CNTN1: variants seen among roughly 807,000 people sequenced by gnomAD.
The protein encoded by CNTN1 is contactin-1.
A neutral mutation model predicts 126.4 loss-of-function variants in CNTN1; 38 were observed. The ratio of observed to expected loss-of-function variants is 0.30; its 90% confidence interval spans 0.23 to 0.39. The LOEUF (loss-of-function observed/expected upper bound fraction) is 0.39, where lower values mean the gene tolerates loss of function less well. Ranked by LOEUF, CNTN1 falls within the 10% of genes least tolerant of loss-of-function variation. CNTN1 has a pLI of 1.00. For missense variants in CNTN1, 1,009 were observed against 1,248.4 expected (o/e 0.81, Z 2.89); for synonymous variants, 413 against 422.6 (o/e 0.98, Z 0.28).
At chr12:40,979,226 A>T (rs1947760093) in intron 15 of CNTN1, 1 of 152,172 alleles carries the variant, frequency 6.6e-6, no homozygotes, top group Non-Finnish European at 1.5e-5. Context: ...TTTCCAAATA[A>T]TAAAATTTAC....
At chr12:40,977,764 CTGTTTTGTTTTGTTTTGTTTTGTTT>C (rs56822606) in intron 15 of CNTN1, among the ~76,000 whole-genome samples, 1 of 69,056 alleles carries the variant, frequency 1.4e-5, no homozygotes. Context: ...TAACAATCAT[CTGTTTTGTTTTGTTTTGTTTTGTTT>C]TGTTTTGTTT....
chr12:41,000,460 C>A (rs940693885), intron 17 of CNTN1, among the ~76,000 whole-genome samples: 1 of 151,992 alleles, frequency 6.6e-6, no homozygotes, highest in Admixed American at 6.6e-5. Context: ...TTTAATACTC[C>A]AGCTCTTAAT....
chr12:40,766,597 A>T (rs1252342143), intron 1 of CNTN1, among the ~76,000 whole-genome samples: 15 of 152,100 alleles, frequency 9.9e-5, no homozygotes, highest in Admixed American at 9.8e-4. Context: ...CCTTGGGTGG[A>T]TTCTCTTGAT....
intron 16 of CNTN1, among the ~76,000 whole-genome samples, chr12:40,987,410 G>A (rs1019954579): frequency 5.3e-5 from 8 of 152,190 alleles, no homozygotes; most frequent in South Asian, 2.1e-4. Flanking sequence ...GCTTGATGCT[G>A]TTCCTGGAGT....
At chr12:41,028,442 G>A (rs1949079380) in intron 22 of CNTN1, among the ~76,000 whole-genome samples, 1 of 152,124 alleles carries the variant, frequency 6.6e-6, no homozygotes, top group Admixed American at 6.6e-5. Context: ...TCAGCAAAAT[G>A]TTATGTCAAA....
chr12:40,730,023 A>G (rs576026720), intron 1 of CNTN1: 1 of 152,342 alleles, frequency 6.6e-6, no homozygotes, highest in South Asian at 2.1e-4. Context: ...GTAAGAAAGG[A>G]CTATAGCAAT....
At chr12:40,836,201 ATAAT>A (rs905697956) in intron 1 of CNTN1, among the ~76,000 whole-genome samples, 3 of 148,174 alleles carry the variant, frequency 2.0e-5, no homozygotes, top group African/African-American at 7.4e-5. Context: ...ATATGTATAA[ATAAT>A]ATATATGTAT....
At chr12:40,841,396 A>T (rs1044316062) in intron 1 of CNTN1, among the ~76,000 whole-genome samples, 6 of 152,068 alleles carry the variant, frequency 3.9e-5, no homozygotes. Flanking sequence ...CATTCCAACA[A>T]ATTGAAGATG....
chr12:40,821,317 G>C (rs902951205), intron 1 of CNTN1, among the ~76,000 whole-genome samples: 1 of 152,182 alleles, frequency 6.6e-6, no homozygotes, highest in Non-Finnish European at 1.5e-5. Flanking sequence ...TTGTTGCTGA[G>C]ATTTCTTGAT....
At chr12:40,768,074 C>G (rs1313681441) in intron 1 of CNTN1, among the ~76,000 whole-genome samples, 2 of 152,130 alleles carry the variant, frequency 1.3e-5, no homozygotes, top group African/African-American at 4.8e-5. Context: ...CTTCACAGTA[C>G]AAATGGAGAT....
At chr12:41,043,641 A>G (rs1949473207) in intron 23 of CNTN1, among the ~76,000 whole-genome samples, 1 of 152,114 alleles carries the variant, frequency 6.6e-6, no homozygotes, top group African/African-American at 2.4e-5. Flanking sequence ...CAGCCATCCC[A>G]TTACTGGGTA....
At chr12:40,722,955 G>C (rs576063486) in intron 1 of CNTN1, among the ~76,000 whole-genome samples, 1 of 152,148 alleles carries the variant, frequency 6.6e-6, no homozygotes, top group Non-Finnish European at 1.5e-5. Context: ...TCAGTTTAGA[G>C]CAAAGAACTA....
chr12:40,709,800 A>G (rs1046769610), intron 1 of CNTN1, among the ~76,000 whole-genome samples: 2 of 152,100 alleles, frequency 1.3e-5, no homozygotes, highest in Non-Finnish European at 1.5e-5. Flanking sequence ...AATGGAAGAG[A>G]GTCAGGGCCT....
intron 1 of CNTN1, among the ~76,000 whole-genome samples, chr12:40,755,033 A>G (rs1410712473): frequency 6.6e-6 from 1 of 151,838 alleles, no homozygotes; most frequent in African/African-American, 2.4e-5. Context: ...TCTACAAAAC[A>G]TAAAAAAGTT....
At chr12:41,042,665 G>C (rs1207764869) in intron 23 of CNTN1, among the ~76,000 whole-genome samples, 4 of 152,016 alleles carry the variant, frequency 2.6e-5, no homozygotes, top group Non-Finnish European at 4.4e-5. Context: ...AGTTCATATG[G>C]AACCAAAAAA....
Position 41,069,968 on chromosome 12 carries a change from C to A in CNTN1, c.2990C>A (p.Thr997Asn), listed in dbSNP as rs751735006. ...TTGGTTTACCTTGCAGGTGCACCCACCCTATCCCCAAGTCTTCTCGGCTTA... is the reference window on the plus strand; with the variant it reads ...TTGGTTTACCTTGCAGGTGCACCCAACCTATCCCCAAGTCTTCTCGGCTTA... Reference protein sequence around the residue: ...VSQVKISGAPTLSPSLLGLLL... With the variant: ...VSQVKISGAPNLSPSLLGLLL... Residue 997 changes from threonine to asparagine, a missense_variant, in exon 24 of 24, where the codon ACC becomes AAC. Thr to Asn is a moderately conservative substitution (Grantham distance 65). Transcript: ENST00000551295. 1.9e-6 allele frequency: 3 copies of A among 1,613,922 alleles called. No homozygotes were observed. The highest frequency in any genetic ancestry group is 2.5e-6 in the Non-Finnish European group (3 of 1,179,938).
At chr12:40,813,023 T>TCTTTTTCTTTC (rs1941124527) in intron 1 of CNTN1, among the ~76,000 whole-genome samples, 1 of 82,170 alleles carries the variant, frequency 1.2e-5, no homozygotes, top group African/African-American at 3.6e-5. Flanking sequence ...ATCCTTTCTT[T>TCTTTTTCTTTC]CTTTCTCTTT....
intron 1 of CNTN1, among the ~76,000 whole-genome samples, chr12:40,897,095 G>A (rs918200824): frequency 6.6e-6 from 1 of 152,128 alleles, no homozygotes; most frequent in Non-Finnish European, 1.5e-5. Context: ...CTAGCATAAT[G>A]CCTAACACAT....
intron 1 of CNTN1, among the ~76,000 whole-genome samples, chr12:40,727,456 A>G (rs535328711): frequency 6.6e-6 from 1 of 152,026 alleles, no homozygotes; most frequent in Non-Finnish European, 1.5e-5. Flanking sequence ...AAAAAAAAAG[A>G]ATGGTCCTGA....
Sources: gnomAD v4.1 joint callset for allele counts (sites outside exome capture counted in the v4.1 genomes callset) on GRCh38, gnomAD v4.1.1 for gene constraint, MANE v1.5 for transcripts, NCBI Gene and HGNC (gene_info 2026-07-23, HGNC 2026-07-21) for gene names.